The following KLHL1 variants were observed in gnomAD, a reference collection of about 807,000 sequenced individuals.
KLHL1 encodes kelch-like protein 1.
A neutral mutation model predicts 77.7 loss-of-function variants in KLHL1; 47 were observed. The ratio of observed to expected loss-of-function variants is 0.60; its 90% CI spans 0.48 to 0.77. KLHL1 has a LOEUF of 0.77. Ranked by LOEUF, KLHL1 falls within the 30% of genes least tolerant of loss-of-function variation. KLHL1 has a pLI of 0.00. For synonymous variants in KLHL1, 360 were observed against 325.2 expected, an observed-to-expected ratio of 1.11 and a Z score of -1.15; for missense variants, 925 against 910.8, an observed-to-expected ratio of 1.02 and a Z score of -0.20.
In KLHL1 at chr13:70,071,564, A is replaced by C. The variant is rs159919; in HGVS notation, c.497+35639T>G. ...CATGAAACACTCACCAAGACACATCACATTGCAGGCCATAAAACTGACCTT... is the reference window on the plus strand; with the variant it reads ...CATGAAACACTCACCAAGACACATCCCATTGCAGGCCATAAAACTGACCTT... On this transcript the variant is annotated intron_variant, in intron 1 of 10. Transcript: ENST00000377844. 2.0e-3 allele frequency among the ~76,000 whole-genome samples: 301 copies of C among 152,008 alleles called. 4 individuals are homozygous for C. Among genetic ancestry groups the C allele is most frequent in the African/African-American group, 7.1e-3 (294 of 41,388 alleles).
intron 1 of KLHL1, among the ~76,000 whole-genome samples, chr13:69,993,388 G>T (rs1394360582): frequency 1.3e-5 from 2 of 152,046 alleles, no homozygotes; most frequent in East Asian, 3.9e-4. Context: ...TGTACAGCCT[G>T]CATTCCATGG....
chr13:69,707,621 T>C lies in KLHL1; in HGVS notation c.2187+4A>G. ...GAAGTGAATTATGCTGATGACAATC[T>C]TACCTGTGTCCACTCATTAGTTTGT... On this transcript the variant is annotated splice_donor_region_variant and intron_variant, in intron 10 of 10. Coordinates refer to ENST00000377844, the MANE Select transcript of KLHL1 (RefSeq NM_020866.3). The C allele has an allele frequency of 6.2e-7, 1 of 1,609,234 alleles. No individual in the cohort carries two copies. The highest frequency in any genetic ancestry group is 8.5e-7 in the Non-Finnish European group (1 of 1,177,066).
intron 5 of KLHL1, among the ~76,000 whole-genome samples, chr13:69,873,252 C>A (rs1373337604): frequency 6.6e-6 from 1 of 152,090 alleles, no homozygotes; most frequent in East Asian, 1.9e-4. Context: ...GTAACATCTG[C>A]AAACACATAT....
At chr13:69,889,043 C>CATAT (rs143899294) in intron 4 of KLHL1, among the ~76,000 whole-genome samples, 12,635 of 148,302 alleles carry the variant, frequency 0.085, 623 homozygotes, top group African/African-American at 0.13. Flanking sequence ...TTGCATAGGT[C>CATAT]ATATATATAT....
rs77523131 is a variant in KLHL1 at position 69,996,635 on chromosome 13, C to T, written c.498-20833G>A. Among the ~76,000 whole-genome samples, 740 of 152,138 alleles carry T rather than the reference C, an allele frequency of 4.9e-3. 10 individuals are homozygous for T. The highest frequency in any genetic ancestry group is 0.017 in the African/African-American group (698 of 41,536). ...AGAAAAGCTTCACTTCAATGTTTTG[C>T]TACAGAAGAATCACAACTCTCCTTT... On this transcript the variant is annotated intron_variant, in intron 1 of 10. Coordinates refer to ENST00000377844, the MANE Select transcript of KLHL1 (RefSeq NM_020866.3).
intron 3 of KLHL1, among the ~76,000 whole-genome samples, chr13:69,944,373 T>G (rs902930102): frequency 6.6e-6 from 1 of 152,214 alleles, no homozygotes; most frequent in Non-Finnish European, 1.5e-5. Flanking sequence ...CTTGGAAGTC[T>G]GTACCTGGTT....
intron 4 of KLHL1, among the ~76,000 whole-genome samples, chr13:69,921,921 A>ATTTTTTTTTTTTTTTTTTTTTTTT (rs1197300551): frequency 8.2e-6 from 1 of 122,642 alleles, no homozygotes; most frequent in Non-Finnish European, 1.7e-5. Flanking sequence ...TGAATGATTG[A>ATTTTTTTTTTTTTTTTTTTTTTTT]TTTTTTTTTT....
Position 69,794,470 on chromosome 13 carries a change from GGGAGAGA to G in KLHL1, c.1639+2261_1639+2267del, listed in dbSNP as rs574220457. On this transcript the variant is annotated intron_variant, in intron 7 of 10. Transcript: ENST00000377844. Reference sequence around the variant, plus strand: ...GAAAGAAACAGAGCATCTTAAAGGTGGGAGAGAGGAATTAGAAAGAAGAGCAGGAAAG... The same window carrying G: ...GAAAGAAACAGAGCATCTTAAAGGTGGGAATTAGAAAGAAGAGCAGGAAAG... 6.6e-5 allele frequency among the ~76,000 whole-genome samples: 10 copies of G among 151,762 alleles called. 1 individual carries two copies. The South Asian group carries it at 2.1e-3, about 32-fold the overall frequency.
intron 4 of KLHL1, among the ~76,000 whole-genome samples, chr13:69,890,787 A>G (rs1881399902): frequency 6.6e-6 from 1 of 152,178 alleles, no homozygotes; most frequent in African/African-American, 2.4e-5. Flanking sequence ...TTGAAACTAT[A>G]TATGTCTGTG....
intron 5 of KLHL1, among the ~76,000 whole-genome samples, chr13:69,881,113 T>G (rs1248661477): frequency 6.6e-6 from 1 of 152,190 alleles, no homozygotes; most frequent in African/African-American, 2.4e-5. Flanking sequence ...AAGAGCCTGT[T>G]GTTATGATGT....
At chr13:70,066,736 G>A (rs965488107) in intron 1 of KLHL1, among the ~76,000 whole-genome samples, 7 of 152,154 alleles carry the variant, frequency 4.6e-5, no homozygotes, top group African/African-American at 1.4e-4. Context: ...GAATTATAAC[G>A]GGTAATTTGC....
At chr13:70,077,683 T>A (rs570474781) in intron 1 of KLHL1, among the ~76,000 whole-genome samples, 2 of 152,010 alleles carry the variant, frequency 1.3e-5, no homozygotes, top group African/African-American at 4.8e-5. Context: ...TGGAGGATAA[T>A]GGGAAGGAGT....
chr13:69,725,472 A>G (rs1251383163), intron 8 of KLHL1, among the ~76,000 whole-genome samples: 1 of 152,144 alleles, frequency 6.6e-6, no homozygotes, highest in Non-Finnish European at 1.5e-5. Context: ...ACATGGTTAT[A>G]CCTAGTTAGT....
chr13:69,838,885 T>C (rs996361119), intron 6 of KLHL1, 91 bp downstream of exon 6: 24 of 741,060 alleles, frequency 3.2e-5, no homozygotes, highest in Non-Finnish European at 4.8e-5. Flanking sequence ...GCTGAGTTTA[T>C]GTCATTTTTT....
At chr13:70,001,895 C>A (rs1317578422) in intron 1 of KLHL1, among the ~76,000 whole-genome samples, 1 of 151,690 alleles carries the variant, frequency 6.6e-6, no homozygotes, top group East Asian at 1.9e-4. Context: ...ATCTAATTTA[C>A]AGCTAAAGTT....
intron 5 of KLHL1, among the ~76,000 whole-genome samples, chr13:69,877,036 CAA>C (rs530846862): frequency 1.4e-5 from 2 of 141,948 alleles, no homozygotes; most frequent in Admixed American, 7.1e-5. Context: ...TAACTCTGTC[CAA>C]AAAAAAAAAG....
intron 1 of KLHL1, among the ~76,000 whole-genome samples, chr13:69,978,448 T>C (rs1397022123): frequency 1.3e-5 from 2 of 151,254 alleles, no homozygotes. Context: ...CGTCCTTATA[T>C]TAATTAACCA....
At chr13:70,069,051 C>T (rs1164314260) in intron 1 of KLHL1, among the ~76,000 whole-genome samples, 3 of 152,126 alleles carry the variant, frequency 2.0e-5, no homozygotes, top group African/African-American at 7.2e-5. Context: ...AACTATTTTG[C>T]CAGAACTAAC....
chr13:69,713,492 T>A (rs1028739326), intron 9 of KLHL1, among the ~76,000 whole-genome samples: 1 of 152,186 alleles, frequency 6.6e-6, no homozygotes, highest in Non-Finnish European at 1.5e-5. Context: ...GACTAGATAT[T>A]GACTTTTATC....
Sources: gnomAD v4.1 joint callset for allele counts (sites outside exome capture counted in the v4.1 genomes callset) on GRCh38, gnomAD v4.1.1 for gene constraint, MANE v1.5 for transcripts, NCBI Gene and HGNC (gene_info 2026-07-23, HGNC 2026-07-21) for gene names.